SH3YL1: variants seen among roughly 807,000 people sequenced by gnomAD.
The protein encoded by SH3YL1 is SH3 domain-containing YSC84-like protein 1.
In SH3YL1, 41 loss-of-function variants were observed where a neutral mutation model predicts 45.8. The ratio of observed to expected loss-of-function variants is 0.89; its 90% confidence interval spans 0.70 to 1.16. The LOEUF (loss-of-function observed/expected upper bound fraction) is 1.16. Ranked by LOEUF, SH3YL1 falls within the 50% of genes most tolerant of loss-of-function variation. The probability of loss-of-function intolerance (pLI) is 0.00; values close to 1 mark genes in which losing one functional copy is unlikely to be tolerated. For missense variants in SH3YL1, 389 were observed against 409.6 expected, an observed-to-expected ratio of 0.95 and a Z score of 0.43; for synonymous variants, 152 against 151.4, an observed-to-expected ratio of 1.00 and a Z score of -0.03.
At chr2:249,955 G>A (rs950313150) in intron 2 of SH3YL1, 111 bp from the exon 3 acceptor site, 17 of 714,844 alleles carry the variant, frequency 2.4e-5, no homozygotes, top group Admixed American at 1.2e-4. Flanking sequence ...TAGGAATTCG[G>A]GGCACACAGG....
intron 4 of SH3YL1, among the ~76,000 whole-genome samples, chr2:243,762 A>G (rs1409521761): frequency 6.6e-6 from 1 of 152,150 alleles, no homozygotes; most frequent in Non-Finnish European, 1.5e-5. Context: ...CTCCGCTTCT[A>G]GTGAACCATA....
intron 4 of SH3YL1, among the ~76,000 whole-genome samples, chr2:237,556 C>T (rs1457353900): frequency 6.6e-6 from 1 of 152,016 alleles, no homozygotes; most frequent in Non-Finnish European, 1.5e-5. Context: ...CTTTAGAAGT[C>T]TGCATTAAAA....
chr2:243,442 A>G (rs1668633755), intron 4 of SH3YL1: 2 of 1,445,372 alleles, frequency 1.4e-6, no homozygotes, highest in Non-Finnish European at 1.8e-6. Context: ...GGCTCAAAGA[A>G]GAAATCACAT....
At chr2:250,408 G>A (rs1048004075) in intron 2 of SH3YL1, among the ~76,000 whole-genome samples, 7 of 152,116 alleles carry the variant, frequency 4.6e-5, no homozygotes, top group Admixed American at 4.6e-4. Context: ...ATCTGCTATA[G>A]CATTTGAGTA....
intron 8 of SH3YL1, among the ~76,000 whole-genome samples, chr2:229,067 G>T (rs1667916500): frequency 6.6e-6 from 1 of 152,172 alleles, no homozygotes; most frequent in African/African-American, 2.4e-5. Context: ...ACAGCACAAT[G>T]ACTCTTGTAT....
At position 234,183 on chromosome 2, in the gene SH3YL1, A is replaced by C; in HGVS notation, c.381T>G (p.Thr127=). The stretch of plus-strand genomic sequence containing the variant: ...ACCTTCCCAAGGGCCCAACCGCCAC[A>C]GTCAAGTTCCCTCCGAGGGTCAGAT... ...GGNLTLGGNL[T]VAVGPLGRNL... The change falls in exon 5 of 10, where the codon ACT becomes ACG. Residue 127 remains threonine, a synonymous_variant. Coordinates refer to ENST00000356150, the MANE Select transcript of SH3YL1 (RefSeq NM_015677.4). 1 of 1,613,986 alleles carries C rather than the reference A, an allele frequency of 6.2e-7. No individual in the cohort carries two copies. The highest frequency in any genetic ancestry group is 8.5e-7 in the Non-Finnish European group (1 of 1,179,962).
chr2:231,130 G>C lies in SH3YL1; in HGVS notation c.595C>G (p.Gln199Glu), dbSNP rs1364178902. 2 of 1,614,002 alleles carry C rather than the reference G, an allele frequency of 1.2e-6. No homozygotes were observed. Among genetic ancestry groups the C allele is most frequent in the East Asian group, 2.2e-5 (1 of 44,874 alleles). Residue 199 changes from glutamine to glutamate, a missense_variant, in exon 7 of 10, where the codon CAA becomes GAA. Physicochemically the swap from Gln to Glu is conservative, Grantham distance 29 (BLOSUM62 2). Coordinates refer to ENST00000356150, the MANE Select transcript of SH3YL1 (RefSeq NM_015677.4). ...AGAATTTCATAAAGATCTTCGGCTTGAGCAGGCCGCGGTGTATCTCCAAAT... is the reference window on the plus strand; with the variant it reads ...AGAATTTCATAAAGATCTTCGGCTTCAGCAGGCCGCGGTGTATCTCCAAAT... ...ILFGDTPRPAQAEDLYEILDS... is the reference protein window; with the variant it reads ...ILFGDTPRPAEAEDLYEILDS...
chr2:241,552 A>T (rs1172411942), intron 4 of SH3YL1: 1 of 152,298 alleles, frequency 6.6e-6, no homozygotes, highest in Middle Eastern at 3.4e-3. Flanking sequence ...CAAGAAGCTC[A>T]ACAAATTCTG....
intron 9 of SH3YL1, among the ~76,000 whole-genome samples, chr2:219,262 T>A (rs1667479807): frequency 1.3e-5 from 2 of 152,184 alleles, no homozygotes. Context: ...CAACTTACAT[T>A]TTTTCTATTT....
chr2:220,038 T>C (rs1262327157), intron 9 of SH3YL1, among the ~76,000 whole-genome samples: 1 of 151,690 alleles, frequency 6.6e-6, no homozygotes, highest in African/African-American at 2.4e-5. Context: ...AAAAATATAA[T>C]TAAACAGTTT....
chr2:263,825 G>T, intron 1 of SH3YL1, 159 bp downstream of exon 1: 1 of 576,428 alleles, frequency 1.7e-6, no homozygotes, highest in Non-Finnish European at 3.1e-6. Flanking sequence ...GAAAGTCCTG[G>T]AAGCTGCTCT....
intron 2 of SH3YL1, among the ~76,000 whole-genome samples, chr2:252,460 A>G (rs922039283): frequency 5.3e-5 from 8 of 152,112 alleles, no homozygotes; most frequent in Non-Finnish European, 8.8e-5. Context: ...GGGAGGCAGG[A>G]GAAAAAGCCT....
intron 8 of SH3YL1, 138 bp downstream of exon 8, chr2:229,828 T>C (rs1344846972): frequency 1.7e-6 from 1 of 598,906 alleles, no homozygotes; most frequent in East Asian, 2.9e-5. Context: ...TAGAAGAGGC[T>C]GAGCACTTAT....
intron 3 of SH3YL1, among the ~76,000 whole-genome samples, chr2:249,494 G>A (rs781298761): frequency 6.6e-6 from 1 of 152,186 alleles, no homozygotes; most frequent in African/African-American, 2.4e-5. Context: ...GCAAAACAAA[G>A]TTATATCTAC....
chr2:228,513 C>A (rs1020487634), intron 8 of SH3YL1, among the ~76,000 whole-genome samples: 1 of 152,168 alleles, frequency 6.6e-6, no homozygotes, highest in African/African-American at 2.4e-5. Context: ...TTCATACATG[C>A]ATATGCAGGT....
intron 4 of SH3YL1, chr2:242,839 C>T: frequency 1.3e-6 from 2 of 1,521,516 alleles, no homozygotes; most frequent in Non-Finnish European, 1.8e-6. Flanking sequence ...ATGTGTCATG[C>T]AGATGGCAAC....
At chr2:221,672 G>A (rs569571658) in intron 9 of SH3YL1, among the ~76,000 whole-genome samples, 11 of 152,298 alleles carry the variant, frequency 7.2e-5, no homozygotes, top group South Asian at 6.2e-4. Flanking sequence ...TAAGATGTGT[G>A]TTGACTGTTC....
At chr2:250,043 A>G (rs1177519441) in intron 2 of SH3YL1, among the ~76,000 whole-genome samples, 199 bp from the exon 3 acceptor site, 1 of 152,212 alleles carries the variant, frequency 6.6e-6, no homozygotes, top group Non-Finnish European at 1.5e-5. Flanking sequence ...TGTGTTTGCT[A>G]TTTTTGCAGT....
At chr2:258,606 T>G (rs1191855952) in intron 1 of SH3YL1, among the ~76,000 whole-genome samples, 1 of 152,178 alleles carries the variant, frequency 6.6e-6, no homozygotes, top group Non-Finnish European at 1.5e-5. Context: ...AGGCAGTGAG[T>G]TACTTGTAGA....
Sources: allele counts gnomAD v4.1 joint callset (sites outside exome capture counted in the v4.1 genomes callset), GRCh38; gene constraint gnomAD v4.1.1; transcripts MANE v1.5; gene names NCBI Gene and HGNC (gene_info 2026-07-23, HGNC 2026-07-21).